The following MAP4 variants were observed in gnomAD, a reference collection of about 807,000 sequenced individuals.
The protein encoded by MAP4 is microtubule associated protein 4.
In MAP4, 76 loss-of-function variants were observed where a neutral mutation model predicts 170.2. That is an observed-to-expected ratio of 0.45 (90% CI 0.37 to 0.54). MAP4 has a LOEUF of 0.54. Ranked by LOEUF, MAP4 falls within the 20% of genes least tolerant of loss-of-function variation. MAP4 has a pLI of 0.00. For missense variants in MAP4, 2,506 were observed against 2,748.0 expected (o/e 0.91, Z 1.97); for synonymous variants, 909 against 994.5 (o/e 0.91, Z 1.62).
chr3:47,874,966 C>T (rs1477055678), intron 12 of MAP4, among the ~76,000 whole-genome samples: 3 of 151,818 alleles, frequency 2.0e-5, no homozygotes, highest in African/African-American at 7.3e-5. Context: ...AATGCAGCCA[C>T]AGCCTCCACT....
intron 3 of MAP4, among the ~76,000 whole-genome samples, chr3:47,942,191 A>C (rs1457901302): frequency 3.9e-5 from 6 of 152,212 alleles, no homozygotes; most frequent in Admixed American, 3.9e-4. Context: ...GCCATGTGAG[A>C]AATGAAAAAA....
chr3:47,893,067 G>C (rs1035172268), intron 10 of MAP4, among the ~76,000 whole-genome samples: 54 of 149,054 alleles, frequency 3.6e-4, no homozygotes, highest in Non-Finnish European at 1.0e-4. Flanking sequence ...GTAGTATTAA[G>C]ATTGCAGGCA....
rs187782964 is a variant in MAP4 at position 47,896,670 on chromosome 3, C to A, written c.5434+6280G>T. Among the ~76,000 whole-genome samples, 11 of 152,240 alleles carry A rather than the reference C, an allele frequency of 7.2e-5. No individual in the cohort carries two copies. In the East Asian group the frequency reaches 2.1e-3, roughly 29 times the overall value. On this transcript the variant is annotated intron_variant, in intron 10 of 20. Transcript: ENST00000683076. ...AAGTGAGAAAGCCTAAGTCCCTGGACTGGAGAACTGCTGCACTCTGGTAAA... is the reference window on the plus strand; with the variant it reads ...AAGTGAGAAAGCCTAAGTCCCTGGAATGGAGAACTGCTGCACTCTGGTAAA...
intron 3 of MAP4, among the ~76,000 whole-genome samples, chr3:47,963,275 G>C (rs1293168330): frequency 6.6e-6 from 1 of 152,206 alleles, no homozygotes; most frequent in African/African-American, 2.4e-5. Context: ...TGAACTGTAA[G>C]AACTTTCTAT....
Position 47,911,894 on chromosome 3 carries a change from T to C in MAP4, c.2527A>G (p.Arg843Gly). Residue 843 changes from arginine to glycine, a missense_variant, in exon 9 of 21, where the codon AGA becomes GGA. Coordinates refer to ENST00000683076, the MANE Select transcript of MAP4 (RefSeq NM_001385682.1). The surrounding 1 kb of genome is among the most constrained non-coding windows in gnomAD (Gnocchi z 4.0). ...GAGACAAAGTTCTCAGCTACCAGTC[T>C]GGCTGCACTGGAGTTAACTAAACAT... ...RECLVNSSAA[R>G]LVAENFVSES... is the part of the protein sequence containing the mutation. The C allele has an allele frequency of 1.3e-6, 2 of 1,536,114 alleles. No homozygotes were observed. Among genetic ancestry groups the C allele is most frequent in the Admixed American group, 3.9e-5 (2 of 51,004 alleles).
intron 2 of MAP4, among the ~76,000 whole-genome samples, chr3:47,980,071 A>G (rs184712651): frequency 2.4e-3 from 360 of 151,362 alleles, no homozygotes; most frequent in Middle Eastern, 6.9e-3. Context: ...GACCTCAAGC[A>G]ATCCTCCCAC....
intron 6 of MAP4, among the ~76,000 whole-genome samples, chr3:47,918,512 A>G (rs1288544270): frequency 2.0e-5 from 3 of 152,234 alleles, no homozygotes; most frequent in South Asian, 4.1e-4. Flanking sequence ...AAATTTAAAA[A>G]AAGTATTTAT....
intron 2 of MAP4, among the ~76,000 whole-genome samples, chr3:47,984,601 G>C (rs2100087468): frequency 6.6e-6 from 1 of 151,978 alleles, no homozygotes; most frequent in South Asian, 2.1e-4. Flanking sequence ...GGAGGGTGGG[G>C]AGAGCAGATG....
intron 3 of MAP4, among the ~76,000 whole-genome samples, chr3:47,949,285 G>A (rs1028528097): frequency 6.6e-5 from 10 of 151,844 alleles, no homozygotes; most frequent in Admixed American, 6.6e-4. Context: ...GGCCAACATG[G>A]TGAAACCCCG....
rs777240592 is a variant in MAP4 at position 47,853,310 on chromosome 3, G to A, written c.6739C>T (p.Pro2247Ser). 1 of 1,611,000 alleles carries A rather than the reference G, an allele frequency of 6.2e-7. No individual in the cohort carries two copies. The change falls in exon 20 of 21, where the codon CCT becomes TCT. Residue 2247 changes from proline to serine, a missense_variant. Pro to Ser is a moderately conservative substitution (Grantham distance 74). This residue lies in a region of MAP4 where 487 missense variants were observed against 511.6 expected (regional missense o/e 0.95). Coordinates refer to ENST00000683076, the MANE Select transcript of MAP4 (RefSeq NM_001385682.1). ...GAGATGGCCGGCTCCTCCCCAGCAG[G>A]GGGACCCGGACACAGAGGAGCCTCG... ...GSEAPLCPGP[P>S]AGEEPAISEA...
chr3:48,003,556 C>T (rs1430138342), intron 1 of MAP4, among the ~76,000 whole-genome samples: 1 of 151,498 alleles, frequency 6.6e-6, no homozygotes, highest in Non-Finnish European at 1.5e-5. Flanking sequence ...AGTTGAGAAG[C>T]TTTGCATTCT....
chr3:47,853,395 G>C (rs749610326), intron 19 of MAP4, 43 bp from the exon 20 acceptor site: 6 of 1,306,494 alleles, frequency 4.6e-6, no homozygotes, highest in African/African-American at 1.5e-5. Context: ...GTCAGTCGAG[G>C]GGGGGAGTGG....
chr3:47,912,527 C>T, intron 8 of MAP4, 106 bp from the exon 9 acceptor site: 1 of 907,298 alleles, frequency 1.1e-6, no homozygotes, highest in Non-Finnish European at 1.6e-6. Flanking sequence ...TTTAAGGAGG[C>T]TATTTTCACT....
intron 10 of MAP4, among the ~76,000 whole-genome samples, chr3:47,897,942 G>GGC (rs2100027861): frequency 7.8e-6 from 1 of 127,622 alleles, no homozygotes; most frequent in African/African-American, 4.3e-5. Flanking sequence ...ACTCCATATC[G>GGC]GGGGGGGGAA....
At chr3:47,991,286 C>T (rs2100092019) in intron 2 of MAP4, among the ~76,000 whole-genome samples, 1 of 152,208 alleles carries the variant, frequency 6.6e-6, no homozygotes, top group South Asian at 2.1e-4. Context: ...TTATGTGTAA[C>T]CTACTCAACC....
chr3:48,009,193 C>T (rs994335291), intron 1 of MAP4, among the ~76,000 whole-genome samples: 4 of 152,074 alleles, frequency 2.6e-5, no homozygotes, highest in Admixed American at 1.3e-4. Context: ...ATCCGCCTCC[C>T]GGGTTCAAGT....
chr3:47,910,193 C>T lies in MAP4; in HGVS notation c.4228G>A (p.Glu1410Lys), dbSNP rs780109386. The T allele has an allele frequency of 1.5e-5, 25 of 1,613,288 alleles. No homozygotes were observed. Among genetic ancestry groups the T allele is most frequent in the Admixed American group, 5.0e-5 (3 of 59,984 alleles). Residue 1410 changes from glutamate to lysine, a missense_variant, in exon 9 of 21, where the codon GAA becomes AAA. By Grantham distance (56) the Glu-to-Lys change is moderately conservative. Coordinates refer to ENST00000683076, the MANE Select transcript of MAP4 (RefSeq NM_001385682.1). ...QGIEGMAYMD[E>K]NRNITFTCPR... is the part of the protein sequence containing the mutation. ...CAGGTAAATGTAATATTTCTATTTT[C>T]GTCCATATAGGCCATTCCTTCAATT...
chr3:48,069,430 C>G (rs1435369902), intron 1 of MAP4, among the ~76,000 whole-genome samples: 2 of 152,154 alleles, frequency 1.3e-5, no homozygotes, highest in Non-Finnish European at 2.9e-5. Context: ...CAGATGAAAC[C>G]TGAACCTTGG....
intron 10 of MAP4, chr3:47,892,499 C>T (rs1264684558): frequency 6.6e-7 from 1 of 1,515,144 alleles, no homozygotes; most frequent in Non-Finnish European, 8.8e-7. Flanking sequence ...CATCGTCTCT[C>T]CTCCACTGCT....
Sources: allele counts gnomAD v4.1 joint callset (sites outside exome capture counted in the v4.1 genomes callset), GRCh38; gene constraint gnomAD v4.1.1; regional missense constraint gnomAD v4.1.1; non-coding constraint Gnocchi (gnomAD v3.1); transcripts MANE v1.5; gene names NCBI Gene and HGNC (gene_info 2026-07-23, HGNC 2026-07-21).